The following LAMB1 variants were observed in gnomAD, a reference collection of about 807,000 sequenced individuals.
LAMB1 encodes the protein laminin subunit beta-1.
Under a neutral mutation model 222.3 loss-of-function variants are expected in LAMB1, and 121 were observed. The observed-to-expected ratio is 0.54, with a 90% CI of 0.47 to 0.63. The LOEUF (loss-of-function observed/expected upper bound fraction) is 0.63. LAMB1 is among the 30% of genes least tolerant of loss of function. LAMB1 has a pLI of 0.00. For missense variants in LAMB1, 2,172 were observed against 2,240.8 expected, an observed-to-expected ratio of 0.97 and a Z score of 0.62; for synonymous variants, 794 against 807.2, an observed-to-expected ratio of 0.98 and a Z score of 0.28.
At chr7:107,999,890 C>G (rs1305200321) in intron 3 of LAMB1, 1 of 151,898 alleles carries the variant, frequency 6.6e-6, no homozygotes, top group Non-Finnish European at 1.5e-5. Context: ...GAGACCGCTG[C>G]ACCTCTTTTT....
chr7:107,937,061 G>C (rs767827615), intron 26 of LAMB1, 32 bp downstream of exon 26: 6 of 1,567,462 alleles, frequency 3.8e-6, no homozygotes, highest in Non-Finnish European at 4.4e-6. Context: ...TAAATCCATT[G>C]TCTGGGACTA....
At chr7:107,980,863 T>G (rs772811549) in intron 7 of LAMB1, 52 bp from the exon 8 acceptor site, 1 of 1,140,986 alleles carries the variant, frequency 8.8e-7, no homozygotes, top group African/African-American at 1.6e-5. Flanking sequence ...GCAAGAAGTT[T>G]TTTTTTTTTT....
intron 3 of LAMB1, among the ~76,000 whole-genome samples, chr7:108,000,657 C>T (rs898394685): frequency 2.0e-5 from 3 of 152,226 alleles, no homozygotes; most frequent in Admixed American, 1.3e-4. Flanking sequence ...GATCCTCCCA[C>T]CTCAGCCTCC....
intron 5 of LAMB1, among the ~76,000 whole-genome samples, chr7:107,992,566 ATCC>A: frequency 6.6e-6 from 1 of 152,214 alleles, no homozygotes; most frequent in Non-Finnish European, 1.5e-5. Context: ...GGTTCCCACT[ATCC>A]GCCAGGGCAA....
rs2032726918 is a variant in LAMB1 at position 107,932,190 on chromosome 7, TC to T, written c.4375del (p.Glu1459AsnfsTer12). ...QDVLSALAEVEQLSKMVSEAK... is the reference protein window; with the variant it reads ...QDVLSALAEVXQLSKMVSEAK... ...CTGAGTTACCATCTTGGAGAGCTGT[TC>T]CACTTCAGCCAGGGCACTCAGGACA... is the stretch of plus-strand genomic sequence containing the variant. On this transcript the variant is annotated frameshift_variant, in exon 28 of 34. Transcript: ENST00000222399. LOFTEE classifies it high-confidence loss of function. 6.2e-7 allele frequency: 1 copy of T among 1,614,108 alleles called. No homozygotes were observed. Among genetic ancestry groups the T allele is most frequent in the Admixed American group, 1.7e-5 (1 of 60,004 alleles).
chr7:107,926,047 G>A (rs1295147573), intron 32 of LAMB1, 136 bp downstream of exon 32: 6 of 655,130 alleles, frequency 9.2e-6, no homozygotes, highest in African/African-American at 9.0e-5. Context: ...AAAGACGGCT[G>A]TTGCAAAACA....
chr7:107,924,146 C>CAA (rs2032503030), intron 33 of LAMB1, 59 bp from the exon 34 acceptor site: 4 of 1,523,962 alleles, frequency 2.6e-6, no homozygotes, highest in Middle Eastern at 3.5e-4. Flanking sequence ...GATCTCAAGA[C>CAA]AAAGTGAATA....
Position 107,964,638 on chromosome 7 carries a change from G to C in LAMB1, c.1612C>G (p.Arg538Gly). Residue 538 changes from arginine (R) to glycine (G), a missense_variant, in exon 14 of 34, where the codon CGT becomes GGT. By Grantham distance (125) the Arg-to-Gly change is moderately radical (BLOSUM62 -2). Coordinates refer to ENST00000222399, the MANE Select transcript of LAMB1 (RefSeq NM_002291.3). ...QCSCRPHMIG[R>G]QCNEVEPGYY... ...CCAGGTTCCACTTCGTTGCACTGAC[G>C]TCCAATCATGTGAGGCCGGCATGAG... The C allele has an allele frequency of 4.3e-6, 7 of 1,614,114 alleles. No homozygotes were observed. The highest frequency in any genetic ancestry group is 5.9e-6 in the Non-Finnish European group (7 of 1,180,010).
rs369289822 is a variant in LAMB1, at chr7:107,929,483, C to T, written c.4674G>A (p.Glu1558=). The change falls in exon 30 of 34, where the codon GAG becomes GAA. Residue 1558 remains glutamate (E), a synonymous_variant. Coordinates refer to ENST00000222399, the MANE Select transcript of LAMB1 (RefSeq NM_002291.3). ...RERVESLSQV[E]VILQHSAADI... is the part of the protein sequence containing the mutation. ...CAGCAGCACTATGCTGAAGAATAAC[C>T]TCTACTTGAGAAAGGCTTTCAACTC... is the stretch of plus-strand genomic sequence containing the variant. 1.2e-6 allele frequency: 2 copies of T among 1,614,126 alleles called. No homozygotes were observed. The highest frequency in any genetic ancestry group is 1.7e-6 in the Non-Finnish European group (2 of 1,180,012).
chr7:108,003,027 C>T, intron 1 of LAMB1, 56 bp from the exon 2 acceptor site: 1 of 1,459,128 alleles, frequency 6.9e-7, no homozygotes, highest in South Asian at 1.4e-5. Context: ...AGAAGAGGCG[C>T]CCTTCCATTT....
Position 107,932,353 on chromosome 7 carries a change from A to G in LAMB1, c.4213T>C (p.Ser1405Pro). 6.2e-7 allele frequency: 1 copy of G among 1,614,196 alleles called. No individual in the cohort carries two copies. The highest frequency in any genetic ancestry group is 8.5e-7 in the Non-Finnish European group (1 of 1,180,038). ...CCGCCACATTCAGTCTCGGAACAGG[A>G]GGCCCCTGGGGGTGTTCCACAGGTC... ...EMTCGTPPGA[S>P]CSETECGGPN... The change falls in exon 28 of 34, where the codon TCC becomes CCC. Residue 1405 changes from serine to proline, a missense_variant. By Grantham distance (74) the Ser-to-Pro change is moderately conservative (BLOSUM62 -1). Transcript: ENST00000222399.
chr7:107,924,893 G>A (rs1280538102), intron 32 of LAMB1, among the ~76,000 whole-genome samples: 1 of 152,178 alleles, frequency 6.6e-6, no homozygotes, highest in Non-Finnish European at 1.5e-5. Context: ...GAAATGGGGT[G>A]TGGGGTTGGA....
At chr7:107,997,961 G>A (rs2034311773) in intron 4 of LAMB1, among the ~76,000 whole-genome samples, 2 of 152,220 alleles carry the variant, frequency 1.3e-5, no homozygotes, top group African/African-American at 4.8e-5. Context: ...GCAGTGGGGG[G>A]AGGAGTGGGG....
intron 9 of LAMB1, among the ~76,000 whole-genome samples, chr7:107,977,605 C>G (rs1017058): frequency 6.6e-6 from 1 of 152,024 alleles, no homozygotes; most frequent in Non-Finnish European, 1.5e-5. Context: ...CTGACTAACA[C>G]GATGAAACCT....
intron 3 of LAMB1, chr7:107,999,763 C>CTTTTTTTT (rs11306976): frequency 8.2e-6 from 1 of 121,424 alleles, no homozygotes; most frequent in African/African-American, 3.1e-5. Flanking sequence ...GCTCCAGTTG[C>CTTTTTTTT]TTTTTTTTTT....
At chr7:107,972,005 T>A (rs1328104705) in intron 13 of LAMB1, among the ~76,000 whole-genome samples, 1 of 152,182 alleles carries the variant, frequency 6.6e-6, no homozygotes, top group African/African-American at 2.4e-5. Flanking sequence ...GTCAGAAAAG[T>A]GATTCCACAA....
intron 7 of LAMB1, among the ~76,000 whole-genome samples, chr7:107,981,409 T>C (rs6980075): frequency 0.35 from 53,326 of 150,794 alleles, 10,319 homozygotes; most frequent in Middle Eastern, 0.51. Context: ...GATTGTGCCA[T>C]TGCACTCCAG....
At chr7:107,983,440 A>G (rs2034011874) in intron 7 of LAMB1, among the ~76,000 whole-genome samples, 1 of 152,080 alleles carries the variant, frequency 6.6e-6, no homozygotes, top group Non-Finnish European at 1.5e-5. Context: ...CAAAGCTGAT[A>G]GTCACAGCAA....
Position 107,937,266 on chromosome 7 carries a change from T to G in LAMB1, c.3773A>C (p.Lys1258Thr), listed in dbSNP as rs750381711. ...TTGAGCCATCATTTCTGTAACATCT[T>G]TAATCAGTTTCCTGTAAAGAGAAAG... Reference protein sequence around the residue: ...NLFEEAEKLIKDVTEMMAQVE... With the variant: ...NLFEEAEKLITDVTEMMAQVE... Residue 1258 changes from lysine (K) to threonine (T), a missense_variant, in exon 26 of 34, where the codon AAA (lysine) becomes ACA (threonine). Coordinates refer to ENST00000222399, the MANE Select transcript of LAMB1 (RefSeq NM_002291.3). 3 of 1,612,934 alleles carry G rather than the reference T, an allele frequency of 1.9e-6. No homozygotes were observed. The African/African-American group carries it at 4.0e-5, about 22-fold the overall frequency.
Sources: allele counts gnomAD v4.1 joint callset (sites outside exome capture counted in the v4.1 genomes callset), GRCh38; gene constraint gnomAD v4.1.1; transcripts MANE v1.5; gene names NCBI Gene and HGNC (gene_info 2026-07-23, HGNC 2026-07-21).